The following LAIR1 variants were observed in gnomAD, a reference collection of about 807,000 sequenced individuals.
LAIR1 encodes leukocyte associated immunoglobulin like receptor 1, also known as leukocyte-associated immunoglobulin-like receptor 1.
A neutral mutation model predicts 32.8 loss-of-function variants in LAIR1; 24 were observed. The ratio of observed to expected loss-of-function variants is 0.73; its 90% CI spans 0.53 to 1.03. LAIR1 has a LOEUF of 1.03. Ranked by LOEUF, LAIR1 falls within the 50% of genes least tolerant of loss-of-function variation. The pLI is 0.00. For missense variants in LAIR1, 355 were observed against 347.5 expected, an observed-to-expected ratio of 1.02 and a Z score of -0.17; for synonymous variants, 150 against 140.5, an observed-to-expected ratio of 1.07 and a Z score of -0.48.
upstream of LAIR1, among the ~76,000 whole-genome samples, chr19:54,372,304 G>A (rs775313003): frequency 6.6e-6 from 1 of 151,236 alleles, no homozygotes; most frequent in African/African-American, 2.5e-5. Context: ...ATGTGGTATT[G>A]TCTGCGTTTT....
chr19:54,364,777 C>T lies in LAIR1; in HGVS notation c.28G>A (p.Gly10Ser), dbSNP rs540096231. Residue 10 changes from glycine (G) to serine (S), a missense_variant, in exon 1 of 10, where the codon GGC (glycine) becomes AGC (serine). Coordinates refer to ENST00000391742, the MANE Select transcript of LAIR1 (RefSeq NM_002287.6). The surrounding 1 kb of genome is among the most constrained non-coding windows in gnomAD (Gnocchi z 4.8). ...GGCTGCCTCCAGGACTCACCTAGGC[C>T]CAGGAGGGCGGTGGGGTGGGGAGAC... Reference protein sequence around the residue: MSPHPTALLGLVLCLAQTIH... With the variant: MSPHPTALLSLVLCLAQTIH... 3.7e-6 allele frequency: 6 copies of T among 1,613,946 alleles called. No homozygotes were observed. In the South Asian group the frequency reaches 5.5e-5, roughly 15 times the overall value.
chr19:54,370,108 T>C (rs1418458171), intron 1 of LAIR1, among the ~76,000 whole-genome samples: 6 of 147,374 alleles, frequency 4.1e-5, no homozygotes, highest in Non-Finnish European at 8.9e-5. Context: ...CGGAGGTCTG[T>C]ACTTCTTGCT....
At position 54,353,703 on chromosome 19, in the gene LAIR1, A is replaced by G. The variant is rs1271471816; in HGVS notation, c.*1565T>C. On this transcript the variant is annotated 3_prime_UTR_variant, in exon 10 of 10. Transcript: ENST00000391742. ...ACTGCCCCATAGAAAGAGCTGGCTG[A>G]GTTTTTGCTGAATTCTTAAAAATCT... 1 of 152,006 alleles carries G rather than the reference A, an allele frequency of 6.6e-6. No individual in the cohort carries two copies. The highest frequency in any genetic ancestry group is 1.5e-5 in the Non-Finnish European group (1 of 67,984). 9.4% of individuals were successfully genotyped at this position (152,006 alleles called of 1,614,324 possible).
upstream of LAIR1, among the ~76,000 whole-genome samples, chr19:54,371,103 G>C (rs2082395047): frequency 1.3e-5 from 2 of 150,998 alleles, no homozygotes; most frequent in African/African-American, 4.9e-5. Context: ...ATGCTCCAGG[G>C]AAATCAGACA....
Position 54,355,903 on chromosome 19 carries a change from T to C in LAIR1, c.717+51A>G, listed in dbSNP as rs1239332097. On this transcript the variant is annotated intron_variant, in intron 9 of 9. Coordinates refer to ENST00000391742, the MANE Select transcript of LAIR1 (RefSeq NM_002287.6). The surrounding 1 kb of genome is among the most constrained non-coding windows in gnomAD (Gnocchi z 4.7). ...ATTCCTAACCCAAGGAACTGAGATT[T>C]TTTTAAGCTGCTAAATTTGGGGTAC... 7.7e-7 allele frequency: 1 copy of C among 1,297,470 alleles called. No individual in the cohort carries two copies. The highest frequency in any genetic ancestry group is 1.4e-5 in the African/African-American group (1 of 69,264). The allele number at this position is 1,297,470 out of a possible 1,614,324, so 80.4% of individuals were successfully genotyped here.
In LAIR1 at chr19:54,355,473, T is replaced by C; in HGVS notation, c.718-59A>G. The stretch of plus-strand genomic sequence containing the variant: ...TGGTGGAGGGTGAGACGAGGGGCTG[T>C]GGGGAGGGAGGGCTGTGGCGGCCAT... On this transcript the variant is annotated intron_variant, in intron 9 of 9. Transcript: ENST00000391742. The surrounding 1 kb of genome is among the most constrained non-coding windows in gnomAD (Gnocchi z 4.7). 1.3e-6 allele frequency: 2 copies of C among 1,482,324 alleles called. No homozygotes were observed. The highest frequency in any genetic ancestry group is 1.8e-6 in the Non-Finnish European group (2 of 1,103,512). 91.8% of individuals were successfully genotyped at this position (1,482,324 alleles called of 1,614,324 possible). A position where few individuals can be genotyped will look rare whatever the true frequency, so the allele number is the denominator to read the frequency against.
chr19:54,358,464 T>C (rs759615778), intron 4 of LAIR1: 9 of 1,208,420 alleles, frequency 7.4e-6, no homozygotes, highest in South Asian at 6.8e-5. Context: ...AAATTCTACA[T>C]TGCAAATCAT....
chr19:54,367,512 C>T (rs1005625316), upstream of LAIR1, among the ~76,000 whole-genome samples: 15 of 151,948 alleles, frequency 9.9e-5, no homozygotes, highest in Non-Finnish European at 1.9e-4. Context: ...TTTGGGAGGC[C>T]GAGGTGGGCA....
chr19:54,356,210 C>T lies in LAIR1; in HGVS notation c.664+20G>A, dbSNP rs1269656312. ...CCCCACTTCCCCATCCCAGGCCTGT[C>T]CCTCCTCCTCCCCCTTTACCTGCTG... On this transcript the variant is annotated intron_variant, in intron 8 of 9. Transcript: ENST00000391742. 1.2e-6 allele frequency: 2 copies of T among 1,608,936 alleles called. No individual in the cohort carries two copies. Among genetic ancestry groups the T allele is most frequent in the African/African-American group, 1.3e-5 (1 of 74,748 alleles).
At position 54,364,596 on chromosome 19, in the gene LAIR1, T is replaced by C; in HGVS notation, c.34+175A>G. On this transcript the variant is annotated intron_variant, in intron 1 of 9. Transcript: ENST00000391742. The surrounding 1 kb of genome is among the most constrained non-coding windows in gnomAD (Gnocchi z 4.8). ...ATCCCCACACCCGGGCCCCTGTTTT[T>C]AGGACAAGATCTTCTCTGATCAGAC... is the stretch of plus-strand genomic sequence containing the variant. 1 of 827,002 alleles carries C rather than the reference T, an allele frequency of 1.2e-6. No homozygotes were observed. Among genetic ancestry groups the C allele is most frequent in the Non-Finnish European group, 2.1e-6 (1 of 476,648 alleles). 51.2% of individuals were successfully genotyped at this position (827,002 alleles called of 1,614,324 possible).
At chr19:54,367,481 C>T (rs1227419697), upstream of LAIR1, among the ~76,000 whole-genome samples, 3 of 152,082 alleles carry the variant, frequency 2.0e-5, no homozygotes, top group Admixed American at 6.5e-5. Context: ...CAATGGCTCA[C>T]GCCTGTAATC....
At chr19:54,372,869 G>C (rs867455375), upstream of LAIR1, among the ~76,000 whole-genome samples, 2 of 151,458 alleles carry the variant, frequency 1.3e-5, no homozygotes, top group African/African-American at 4.9e-5. Flanking sequence ...AGTGGCTCAT[G>C]CCTGTAATAC....
Position 54,351,703 on chromosome 19 carries a change from T to G in LAIR1, c.*3565A>C, listed in dbSNP as rs1392380403. On this transcript the variant is annotated 3_prime_UTR_variant, in exon 10 of 10. Coordinates refer to ENST00000391742, the MANE Select transcript of LAIR1 (RefSeq NM_002287.6). ...TGAAACACGCTCTTGCTCCTCTTCCTAGCAAGAGAGCAAAGACTGTGAGGT... is the reference window on the plus strand; with the variant it reads ...TGAAACACGCTCTTGCTCCTCTTCCGAGCAAGAGAGCAAAGACTGTGAGGT... 2 of 152,166 alleles carry G rather than the reference T, an allele frequency of 1.3e-5. No individual in the cohort carries two copies. Among genetic ancestry groups the G allele is most frequent in the Non-Finnish European group, 2.9e-5 (2 of 68,030 alleles). 9.4% of individuals were successfully genotyped at this position (152,166 alleles called of 1,614,324 possible).
intron 4 of LAIR1, 62 bp downstream of exon 4, chr19:54,359,960 G>C: frequency 2.5e-6 from 1 of 406,440 alleles, no homozygotes; most frequent in Non-Finnish European, 4.4e-6. Context: ...GCTGGACCCG[G>C]AACAGCATCC....
upstream of LAIR1, among the ~76,000 whole-genome samples, chr19:54,374,488 A>C (rs191949616): frequency 8.2e-4 from 125 of 152,196 alleles, no homozygotes; most frequent in Non-Finnish European, 1.1e-3. Context: ...GGGGTGCAGA[A>C]CCTGAACCCA....
intron 4 of LAIR1, among the ~76,000 whole-genome samples, chr19:54,359,165 T>A (rs1199509878): frequency 6.7e-6 from 1 of 149,700 alleles, no homozygotes; most frequent in Non-Finnish European, 1.5e-5. Context: ...CTGCCTGAGC[T>A]CACAGCCCGA....
At chr19:54,374,313 T>C (rs1601357051), upstream of LAIR1, among the ~76,000 whole-genome samples, 1 of 152,172 alleles carries the variant, frequency 6.6e-6, no homozygotes. Flanking sequence ...CTGGAACCCA[T>C]GCACGTCTTA....
Position 54,355,351 on chromosome 19 carries a change from G to T in LAIR1, c.781C>A (p.Gln261Lys), listed in dbSNP as rs141309380. Residue 261 changes from glutamine to lysine, a missense_variant, in exon 10 of 10, where the codon CAG becomes AAG. Physicochemically the swap from Gln to Lys is moderately conservative, Grantham distance 53. Coordinates refer to ENST00000391742, the MANE Select transcript of LAIR1 (RefSeq NM_002287.6). The surrounding 1 kb of genome is among the most constrained non-coding windows in gnomAD (Gnocchi z 4.7). ...YAQLDHWALT[Q>K]RTARAVSPQS... ...GGGGACACAGCCCGGGCTGTCCTCT[G>T]TGTGAGGGCCCAGTGGTCCAGCTGA... is the stretch of plus-strand genomic sequence containing the variant. 1 of 1,613,176 alleles carries T rather than the reference G, an allele frequency of 6.2e-7. No homozygotes were observed. The highest frequency in any genetic ancestry group is 8.5e-7 in the Non-Finnish European group (1 of 1,179,568).
upstream of LAIR1, among the ~76,000 whole-genome samples, chr19:54,370,825 TA>T: frequency 6.6e-6 from 1 of 150,774 alleles, no homozygotes; most frequent in East Asian, 1.9e-4. Context: ...ACAAGAACCA[TA>T]TCTCTGTCCC....
Sources: gnomAD v4.1 joint callset for allele counts (sites outside exome capture counted in the v4.1 genomes callset) on GRCh38, gnomAD v4.1.1 for gene constraint, Gnocchi (gnomAD v3.1) non-coding constraint, MANE v1.5 for transcripts, NCBI Gene and HGNC (gene_info 2026-07-23, HGNC 2026-07-21) for gene names.